Variants in KLHL13 observed in about 807,000 individuals in gnomAD.
KLHL13 encodes the protein kelch-like protein 13.
Under a neutral mutation model 37.1 loss-of-function variants are expected in KLHL13, and 10 were observed. That is an observed-to-expected ratio of 0.27 (90% CI 0.17 to 0.46). The LOEUF is 0.46. Ranked by LOEUF, KLHL13 falls within the 20% of genes least tolerant of loss-of-function variation. The probability of loss-of-function intolerance (pLI) is 1.00; values close to 1 mark genes in which losing one functional copy is unlikely to be tolerated. For synonymous variants in KLHL13, 163 were observed against 181.2 expected (o/e 0.90, Z 0.81); for missense variants, 360 against 509.3 (o/e 0.71, Z 2.82).
chrX:118,116,752 T>C (rs988127650), exon 1 of KLHL13: 1 of 108,256 alleles, frequency 9.2e-6, no homozygotes, highest in Non-Finnish European at 1.9e-5. Flanking sequence ...TTCCCAGGAA[T>C]AGGAGCTGAG....
At chrX:118,026,872 GA>G (rs756339710) in intron 1 of KLHL13, among the ~76,000 whole-genome samples, 31 of 111,733 alleles carry the variant, frequency 2.8e-4, no homozygotes, top group Non-Finnish European at 5.3e-4. Context: ...GACAAGAAAA[GA>G]GCTTTCAATG....
At chrX:118,015,200 A>C (rs1463409212) in intron 1 of KLHL13, among the ~76,000 whole-genome samples, 2 of 111,574 alleles carry the variant, frequency 1.8e-5, no homozygotes, top group African/African-American at 6.5e-5. Flanking sequence ...CCTTAACCAC[A>C]CTACTATAAC....
At chrX:117,916,852 T>C (rs1352821092) in intron 4 of KLHL13, among the ~76,000 whole-genome samples, 1 of 112,114 alleles carries the variant, frequency 8.9e-6, no homozygotes, top group South Asian at 3.7e-4. Context: ...CTCTAAAACA[T>C]CTTATTTCAG....
chrX:117,985,261 A>T (rs1316131077), intron 1 of KLHL13: 3 of 1,142,682 alleles, frequency 2.6e-6, no homozygotes, highest in Non-Finnish European at 3.5e-6. Context: ...TTTTTCTCTT[A>T]AGGTTTGAAC....
chrX:117,937,668 G>A, intron 2 of KLHL13, among the ~76,000 whole-genome samples: 1 of 111,452 alleles, frequency 9.0e-6, no homozygotes, highest in Middle Eastern at 4.6e-3. Context: ...TATACATATT[G>A]TATAATTTTT....
At chrX:118,003,600 A>G (rs1273541360) in intron 1 of KLHL13, among the ~76,000 whole-genome samples, 2 of 111,110 alleles carry the variant, frequency 1.8e-5, no homozygotes, top group Non-Finnish European at 3.8e-5. Context: ...ACCAGTAAAC[A>G]AATTAATATT....
In KLHL13 at chrX:118,036,637, A is replaced by G. The variant is rs1439415454; in HGVS notation, c.-56+79871T>C. ...AAATGTTAGACCCAAAACCATAAAA[A>G]CCCTAGAAGAAAACATAGGCATTAC... On this transcript the variant is annotated intron_variant, in intron 1 of 6. Transcript: ENST00000371882. 7.2e-5 allele frequency among the ~76,000 whole-genome samples: 8 copies of G among 111,675 alleles called. No individual in the cohort carries two copies. In the East Asian group the frequency reaches 2.2e-3, roughly 31 times the overall value.
At chrX:117,962,206 A>G (rs1219748454) in intron 1 of KLHL13, among the ~76,000 whole-genome samples, 1 of 98,185 alleles carries the variant, frequency 1.0e-5, no homozygotes, top group Admixed American at 1.1e-4. Flanking sequence ...TGAGATCCCC[A>G]TCTCAAAAAA....
At chrX:118,072,288 T>C (rs1396828205) in intron 1 of KLHL13, among the ~76,000 whole-genome samples, 23 of 112,699 alleles carry the variant, frequency 2.0e-4, no homozygotes, top group African/African-American at 7.1e-4. Flanking sequence ...TGTAGAAAGC[T>C]GAAACTGGAT....
intron 1 of KLHL13, among the ~76,000 whole-genome samples, chrX:117,960,417 T>C (rs1166149997): frequency 9.1e-6 from 1 of 110,332 alleles, no homozygotes; most frequent in East Asian, 2.9e-4. Context: ...AATGACTGAG[T>C]AGCATAGACA....
At chrX:118,045,021 CA>C (rs1212516808) in intron 1 of KLHL13, among the ~76,000 whole-genome samples, 2 of 111,506 alleles carry the variant, frequency 1.8e-5, no homozygotes, top group Admixed American at 1.9e-4. Context: ...GATTAATAAC[CA>C]AAATATGTAA....
At chrX:117,966,792 A>G (rs976447384) in intron 1 of KLHL13, among the ~76,000 whole-genome samples, 2 of 111,964 alleles carry the variant, frequency 1.8e-5, no homozygotes, top group Non-Finnish European at 1.9e-5. Flanking sequence ...CAAACCGGAG[A>G]AAAACAAGCA....
At chrX:118,111,349 A>G (rs1033994312) in intron 1 of KLHL13, among the ~76,000 whole-genome samples, 6 of 113,275 alleles carry the variant, frequency 5.3e-5, no homozygotes, top group African/African-American at 1.9e-4. Flanking sequence ...AAGACTATAA[A>G]TACCCTATGT....
At chrX:118,049,630 T>TGC (rs1206587643) in intron 1 of KLHL13, among the ~76,000 whole-genome samples, 1 of 110,145 alleles carries the variant, frequency 9.1e-6, no homozygotes, top group Non-Finnish European at 1.9e-5. Flanking sequence ...CTATCTGGTA[T>TGC]GCTCCCACAC....
At chrX:118,020,950 A>G (rs2054200022) in intron 1 of KLHL13, among the ~76,000 whole-genome samples, 1 of 82,951 alleles carries the variant, frequency 1.2e-5, no homozygotes, top group South Asian at 8.0e-4. Context: ...ATGAGAACAC[A>G]TGGACACAGG....
chrX:117,909,144 G>A (rs1930795446), intron 5 of KLHL13, among the ~76,000 whole-genome samples, 157 bp downstream of exon 6: 1 of 111,732 alleles, frequency 8.9e-6, no homozygotes, highest in Non-Finnish European at 1.9e-5. Context: ...CCCAGATAAG[G>A]CATAAAGATG....
chrX:118,029,211 G>C (rs1234517496), intron 1 of KLHL13, among the ~76,000 whole-genome samples: 1 of 111,235 alleles, frequency 9.0e-6, no homozygotes, highest in Non-Finnish European at 1.9e-5. Flanking sequence ...GGGGGGAGTT[G>C]AGGCAAATAC....
chrX:118,051,584 T>G (rs2054614636), intron 1 of KLHL13, among the ~76,000 whole-genome samples: 1 of 110,830 alleles, frequency 9.0e-6, no homozygotes, highest in African/African-American at 3.3e-5. Flanking sequence ...AATAAAATTT[T>G]ATGGAAGCAC....
intron 1 of KLHL13, among the ~76,000 whole-genome samples, chrX:118,000,607 G>C (rs1295144332): frequency 5.4e-5 from 6 of 110,455 alleles, no homozygotes; most frequent in Non-Finnish European, 9.4e-5. Flanking sequence ...TACAAAGTAA[G>C]GACATTTTAA....
Sources: allele counts gnomAD v4.1 joint callset (sites outside exome capture counted in the v4.1 genomes callset), GRCh38; gene constraint gnomAD v4.1.1; transcripts MANE v1.5; gene names NCBI Gene and HGNC (gene_info 2026-07-23, HGNC 2026-07-21).